Variants in ADCY2 observed in about 807,000 individuals in gnomAD.
ADCY2 encodes the protein adenylate cyclase 2.
ADCY2 carries 31 observed loss-of-function variants against 125.2 expected under a neutral mutation model. The ratio of observed to expected loss-of-function variants is 0.25; its 90% CI spans 0.19 to 0.33. The LOEUF (loss-of-function observed/expected upper bound fraction) is 0.33, where lower values mean the gene tolerates loss of function less well. Ranked by LOEUF, ADCY2 falls within the 10% of genes least tolerant of loss-of-function variation. ADCY2 has a pLI of 1.00. For synonymous variants in ADCY2, 512 were observed against 548.4 expected, an observed-to-expected ratio of 0.93 and a Z score of 0.93; for missense variants, 904 against 1,418.2, an observed-to-expected ratio of 0.64 and a Z score of 5.82.
chr5:7,473,516 T>G (rs1300404973), intron 2 of ADCY2, among the ~76,000 whole-genome samples: 2 of 152,118 alleles, frequency 1.3e-5, no homozygotes. Flanking sequence ...AGGCCCTGCC[T>G]CCAACATTGG....
intron 2 of ADCY2, among the ~76,000 whole-genome samples, chr5:7,502,064 T>A (rs1310955047): frequency 5.9e-5 from 9 of 151,866 alleles, no homozygotes; most frequent in Non-Finnish European, 1.2e-4. Context: ...ACTAGGCTGG[T>A]GGATGAATTA....
chr5:7,734,233 T>C (rs1284902536), intron 14 of ADCY2, among the ~76,000 whole-genome samples: 1 of 152,172 alleles, frequency 6.6e-6, no homozygotes, highest in Non-Finnish European at 1.5e-5. Flanking sequence ...TGACATTCAA[T>C]AGAATGCCAA....
At chr5:7,817,081 C>A in intron 23 of ADCY2, 101 bp downstream of exon 23, 1 of 851,324 alleles carries the variant, frequency 1.2e-6, no homozygotes. Flanking sequence ...TGGAGTAGAA[C>A]AATTACAAAT....
chr5:7,499,199 G>A (rs1743455188), intron 2 of ADCY2, among the ~76,000 whole-genome samples: 1 of 152,014 alleles, frequency 6.6e-6, no homozygotes, highest in African/African-American at 2.4e-5. Flanking sequence ...GTAGAGATGG[G>A]GTTTCACCAT....
rs527688345 is a variant in ADCY2, at chr5:7,503,623, C to T, written c.409-17115C>T. ...GGTGCTTCACCTCTGGATTCTGTTT[C>T]CTTATCCATTAAATAGCTCATAGGA... On this transcript the variant is annotated intron_variant, in intron 2 of 24. Transcript: ENST00000338316. 3.3e-5 allele frequency among the ~76,000 whole-genome samples: 5 copies of T among 152,258 alleles called. No individual in the cohort carries two copies. The South Asian group carries it at 1.0e-3, about 32-fold the overall frequency.
intron 23 of ADCY2, among the ~76,000 whole-genome samples, chr5:7,818,110 A>G (rs1453575380): frequency 6.6e-6 from 1 of 152,168 alleles, no homozygotes; most frequent in East Asian, 1.9e-4. Flanking sequence ...TCTGAGAGTC[A>G]GTTTATATAA....
chr5:7,518,910 T>A (rs927588883), intron 2 of ADCY2, among the ~76,000 whole-genome samples: 3 of 152,184 alleles, frequency 2.0e-5, no homozygotes, highest in Admixed American at 6.5e-5. Context: ...TGGGGCTCTG[T>A]CCTGCACCCT....
At chr5:7,674,311 T>C (rs1201967926) in intron 4 of ADCY2, among the ~76,000 whole-genome samples, 4 of 152,132 alleles carry the variant, frequency 2.6e-5, no homozygotes, top group Non-Finnish European at 4.4e-5. Context: ...GTGGGGTGGG[T>C]GCAGTTTACG....
At chr5:7,446,918 A>C (rs1019020727) in intron 2 of ADCY2, among the ~76,000 whole-genome samples, 1 of 152,170 alleles carries the variant, frequency 6.6e-6, no homozygotes, top group Non-Finnish European at 1.5e-5. Context: ...TGATAGGACT[A>C]TTGGCTTCCT....
At chr5:7,680,109 A>G (rs1740280647) in intron 4 of ADCY2, among the ~76,000 whole-genome samples, 1 of 152,170 alleles carries the variant, frequency 6.6e-6, no homozygotes. Context: ...AGTCCAGAGG[A>G]GAAGTCTTAT....
intron 4 of ADCY2, among the ~76,000 whole-genome samples, chr5:7,632,782 A>G (rs1016083194): frequency 2.1e-4 from 32 of 152,194 alleles, no homozygotes; most frequent in African/African-American, 7.5e-4. Context: ...AGGATGCTAC[A>G]ATTTTGCCAT....
chr5:7,486,227 G>T (rs1032211294), intron 2 of ADCY2, among the ~76,000 whole-genome samples: 3 of 152,102 alleles, frequency 2.0e-5, no homozygotes, highest in African/African-American at 7.2e-5. Context: ...ATGAAGTATC[G>T]TAATAGTCAA....
intron 19 of ADCY2, 30 bp downstream of exon 19, chr5:7,784,479 A>C (rs1744023429): frequency 6.5e-7 from 1 of 1,528,412 alleles, no homozygotes; most frequent in Non-Finnish European, 9.0e-7. Context: ...ATATGTATGT[A>C]TACCTTCTCT....
At chr5:7,766,333 C>T (rs187712684) in intron 16 of ADCY2, among the ~76,000 whole-genome samples, 3 of 152,140 alleles carry the variant, frequency 2.0e-5, no homozygotes, top group East Asian at 1.9e-4. Flanking sequence ...CCGAAGGCTC[C>T]GATTTGATGG....
chr5:7,528,983 C>A (rs1347788685), intron 3 of ADCY2, among the ~76,000 whole-genome samples: 1 of 152,194 alleles, frequency 6.6e-6, no homozygotes, highest in African/African-American at 2.4e-5. Context: ...GTTCTTGCAG[C>A]ACAGAATGAG....
chr5:7,411,663 A>C (rs1207514112), intron 1 of ADCY2, among the ~76,000 whole-genome samples: 1 of 152,200 alleles, frequency 6.6e-6, no homozygotes, highest in Non-Finnish European at 1.5e-5. Context: ...ATTTTTAAAA[A>C]AGAGAGAGAA....
rs1483282720 is a variant in ADCY2, at chr5:7,829,709, T to A, written c.*2838T>A. On this transcript the variant is annotated 3_prime_UTR_variant, in exon 25 of 25. Transcript: ENST00000338316. ...TTTTGTCATCAATCCAGGATGTTAT[T>A]CTTCCTTCCCAACTCACTGTGCTCC... 1 of 152,442 alleles carries A rather than the reference T, an allele frequency of 6.6e-6. No individual in the cohort carries two copies. The highest frequency in any genetic ancestry group is 1.5e-5 in the Non-Finnish European group (1 of 68,114). 9.4% of individuals were successfully genotyped at this position (152,442 alleles called of 1,614,324 possible).
chr5:7,423,025 C>G (rs1406577513), intron 2 of ADCY2, among the ~76,000 whole-genome samples: 11 of 152,134 alleles, frequency 7.2e-5, no homozygotes, highest in Non-Finnish European at 1.6e-4. Context: ...CTGTGTGCTG[C>G]TGTGTGCCAG....
chr5:7,758,661 G>T (rs1174102574), intron 16 of ADCY2, among the ~76,000 whole-genome samples: 1 of 152,154 alleles, frequency 6.6e-6, no homozygotes, highest in Non-Finnish European at 1.5e-5. Context: ...CAGACAGCTG[G>T]GTAACCTCAT....
Sources: gnomAD v4.1 joint callset for allele counts (sites outside exome capture counted in the v4.1 genomes callset) on GRCh38, gnomAD v4.1.1 for gene constraint, MANE v1.5 for transcripts, NCBI Gene and HGNC (gene_info 2026-07-23, HGNC 2026-07-21) for gene names.